Variants in TAPBPL observed in about 807,000 individuals in gnomAD.
The protein encoded by TAPBPL is tapasin-related protein.
A neutral mutation model predicts 44.8 loss-of-function variants in TAPBPL; 32 were observed. The observed-to-expected ratio is 0.71, with a 90% CI of 0.54 to 0.96. TAPBPL has a LOEUF of 0.96. TAPBPL is among the 40% of genes least tolerant of loss of function. The pLI is 0.00. For synonymous variants in TAPBPL, 230 were observed against 240.7 expected (o/e 0.96, Z 0.41); for missense variants, 520 against 586.6 (o/e 0.89, Z 1.17).
downstream of TAPBPL, chr12:6,463,102 C>A: frequency 6.6e-7 from 1 of 1,516,932 alleles, no homozygotes. This position sits in a 1 kb window ranked among gnomAD's most constrained non-coding sequence, Gnocchi z 4.0. Flanking sequence ...GCAATTGCCC[C>A]GAAGATAGGC....
downstream of TAPBPL, chr12:6,464,243 C>A (rs546342393): frequency 1.1e-5 from 16 of 1,522,538 alleles, no homozygotes; most frequent in Non-Finnish European, 1.3e-5. Flanking sequence ...AGGGAGGAGG[C>A]GCCAGCTGTT....
Position 6,454,325 on chromosome 12 carries a change from G to A in TAPBPL, c.565+609G>A, listed in dbSNP as rs1021741791. Reference sequence around the variant, plus strand: ...CTCTACTAAAATACAGAAATTAGCCGGGCATGATGGCAGGTGCCTGTAATC... The same window carrying A: ...CTCTACTAAAATACAGAAATTAGCCAGGCATGATGGCAGGTGCCTGTAATC... On this transcript the variant is annotated intron_variant, in intron 3 of 6. Coordinates refer to ENST00000266556, the MANE Select transcript of TAPBPL (RefSeq NM_018009.5). Among the ~76,000 whole-genome samples the A allele has an allele frequency of 5.3e-5, 8 of 152,262 alleles. No homozygotes were observed. The East Asian group carries it at 1.2e-3, about 22-fold the overall frequency.
At chr12:6,461,285 C>G (rs560997450) in intron 6 of TAPBPL, 1 of 1,147,624 alleles carries the variant, frequency 8.7e-7, no homozygotes, top group Non-Finnish European at 1.1e-6. Context: ...CTCTGCCTTC[C>G]TTCACTGTGC....
downstream of TAPBPL, chr12:6,462,428 G>A (rs755326705): frequency 1.8e-5 from 9 of 488,830 alleles, no homozygotes; most frequent in South Asian, 6.5e-5. Context: ...ATGGCAAACC[G>A]AAGAACGGGA....
downstream of TAPBPL, chr12:6,462,435 G>A (rs1454067399): frequency 2.1e-5 from 10 of 486,152 alleles, no homozygotes; most frequent in Non-Finnish European, 3.3e-5. Flanking sequence ...ACCGAAGAAC[G>A]GGATGTGGGA....
downstream of TAPBPL, chr12:6,463,365 C>A: frequency 1.8e-6 from 2 of 1,097,190 alleles, no homozygotes; most frequent in Non-Finnish European, 2.2e-6. The surrounding 1 kb of genome is among the most constrained non-coding windows in gnomAD (Gnocchi z 4.0). Context: ...TCTCTGCATC[C>A]TGAGGATCGG....
At chr12:6,470,427 T>A, downstream of TAPBPL, 2 of 1,558,556 alleles carry the variant, frequency 1.3e-6, no homozygotes, top group Non-Finnish European at 1.8e-6. Flanking sequence ...TTCCCCGCGT[T>A]GCTGCAGCTG....
downstream of TAPBPL, among the ~76,000 whole-genome samples, chr12:6,467,810 G>A (rs546860481): frequency 2.7e-4 from 41 of 152,326 alleles, no homozygotes; most frequent in South Asian, 6.0e-3. Context: ...TGTCCCAGCC[G>A]CTCCCACTGT....
At chr12:6,471,146 C>G (rs900627179), downstream of TAPBPL, among the ~76,000 whole-genome samples, 12 of 152,194 alleles carry the variant, frequency 7.9e-5, no homozygotes, top group African/African-American at 2.9e-4. This position sits in a 1 kb window ranked among gnomAD's most constrained non-coding sequence, Gnocchi z 4.0. Context: ...CGCCCCGCCT[C>G]TAACTAACGC....
At chr12:6,455,708 T>C (rs1949685842) in intron 3 of TAPBPL, among the ~76,000 whole-genome samples, 1 of 151,896 alleles carries the variant, frequency 6.6e-6, no homozygotes, top group East Asian at 1.9e-4. Flanking sequence ...GGCAGGAGGA[T>C]TGCTTGAGCC....
downstream of TAPBPL, among the ~76,000 whole-genome samples, chr12:6,469,773 G>C (rs1278491842): frequency 3.3e-5 from 5 of 152,222 alleles, no homozygotes; most frequent in Admixed American, 2.6e-4. Context: ...TCAAGATCAT[G>C]CGAAGGGGGT....
downstream of TAPBPL, chr12:6,465,455 T>TATAA (rs1949997383): frequency 3.4e-5 from 4 of 117,704 alleles, no homozygotes; most frequent in African/African-American, 1.6e-4. Flanking sequence ...TATATACATA[T>TATAA]GTGTATATAT....
downstream of TAPBPL, among the ~76,000 whole-genome samples, chr12:6,468,200 CA>C (rs1945677686): frequency 1.3e-5 from 2 of 152,244 alleles, no homozygotes; most frequent in African/African-American, 4.8e-5. Context: ...CACAGACACT[CA>C]ATGCCAGTCC....
chr12:6,462,783 C>A (rs142636658), downstream of TAPBPL: 1,395 of 1,566,762 alleles, frequency 8.9e-4, 7 homozygotes, highest in African/African-American at 0.017. Context: ...AGAGTGGAGA[C>A]CTTCGAGGGG....
chr12:6,451,990 T>G, upstream of TAPBPL: 1 of 532,782 alleles, frequency 1.9e-6, no homozygotes, highest in Non-Finnish European at 3.4e-6. Flanking sequence ...GATTTCCGGG[T>G]GAGGTGGGTG....
chr12:6,466,207 A>C (rs770230156), downstream of TAPBPL: 1 of 1,614,134 alleles, frequency 6.2e-7, no homozygotes, highest in Non-Finnish European at 8.5e-7. Context: ...ACTTTCAGAG[A>C]AACAGCTATC....
chr12:6,452,115 G>T lies in TAPBPL; in HGVS notation c.-134G>T, dbSNP rs1359211087. 22 of 1,083,932 alleles carry T rather than the reference G, an allele frequency of 2.0e-5. No individual in the cohort carries two copies. The South Asian group carries it at 2.9e-4, about 14-fold the overall frequency. 67.1% of individuals were successfully genotyped at this position (1,083,932 alleles called of 1,614,324 possible). A position where few individuals can be genotyped will look rare whatever the true frequency, so the allele number is the denominator to read the frequency against. ...GTGAAAGAAAAGTCGGCAGCAGAGG[G>T]AACAGGGAAGAAACCTAAAGGCTGC... On this transcript the variant is annotated 5_prime_UTR_variant, in exon 1 of 7. Transcript: ENST00000266556.
rs781469049 is a variant in TAPBPL, at chr12:6,462,006, A to G, written c.1292-28A>G. The stretch of plus-strand genomic sequence containing the variant: ...TTTGCCAGTGTGAGATGCCCACGCA[A>G]CTTCCTGTCTTCACTTCCTCTTACC... On this transcript the variant is annotated intron_variant, in intron 6 of 6. Transcript: ENST00000266556. The G allele has an allele frequency of 1.4e-5, 22 of 1,592,514 alleles. 1 individual carries two copies. The South Asian group carries it at 2.4e-4, about 18-fold the overall frequency.
chr12:6,457,630 A>G lies in TAPBPL; in HGVS notation c.790A>G (p.Arg264Gly). The change falls in exon 4 of 7, where the codon AGG becomes GGG. Residue 264 changes from arginine (R) to glycine (G), a missense_variant. Physicochemically the swap from Arg to Gly is moderately radical, Grantham distance 125 (BLOSUM62 -2). Transcript: ENST00000266556. ...GGAGCCTGCACAACTGGGCATGGCCAGGGATGCCTCCCTCACCCTGCCCGG... is the reference window on the plus strand; with the variant it reads ...GGAGCCTGCACAACTGGGCATGGCCGGGGATGCCTCCCTCACCCTGCCCGG... ...TLEPAQLGMA[R>G]DASLTLPGLT... is the part of the protein sequence containing the mutation. The G allele has an allele frequency of 1.2e-6, 2 of 1,614,194 alleles. No individual in the cohort carries two copies. Among genetic ancestry groups the G allele is most frequent in the South Asian group, 2.2e-5 (2 of 91,086 alleles).
Sources: gnomAD v4.1 joint callset for allele counts (sites outside exome capture counted in the v4.1 genomes callset) on GRCh38, gnomAD v4.1.1 for gene constraint, Gnocchi (gnomAD v3.1) non-coding constraint, MANE v1.5 for transcripts, NCBI Gene and HGNC (gene_info 2026-07-23, HGNC 2026-07-21) for gene names.